Variants in ATP9B observed in about 807,000 individuals in gnomAD.
ATP9B encodes ATPase phospholipid transporting 9B.
In ATP9B, 110 loss-of-function variants were observed where a neutral mutation model predicts 146.1. The ratio of observed to expected loss-of-function variants is 0.75; its 90% CI spans 0.65 to 0.88. ATP9B has a LOEUF of 0.88. Among genes scored for constraint, ATP9B ranks in the 40% least tolerant of loss-of-function variants. The pLI, the probability that ATP9B is intolerant of heterozygous loss-of-function variation, is 0.00. For synonymous variants in ATP9B, 604 were observed against 569.7 expected (o/e 1.06, Z -0.86); for missense variants, 1,499 against 1,496.4 (o/e 1.00, Z -0.03).
intron 26 of ATP9B, among the ~76,000 whole-genome samples, chr18:79,368,041 C>G (rs754747849): frequency 3.3e-5 from 5 of 152,174 alleles, no homozygotes; most frequent in Non-Finnish European, 5.9e-5. Context: ...GTCTGTGTCT[C>G]CATGGAGTGT....
intron 26 of ATP9B, among the ~76,000 whole-genome samples, chr18:79,369,004 G>A (rs915135912): frequency 6.6e-6 from 1 of 152,052 alleles, no homozygotes; most frequent in African/African-American, 2.4e-5. Flanking sequence ...TGTTTGGAGG[G>A]TTTGTTCTTG....
At chr18:79,237,431 T>G (rs1363355688) in intron 11 of ATP9B, among the ~76,000 whole-genome samples, 2 of 152,274 alleles carry the variant, frequency 1.3e-5, no homozygotes, top group Non-Finnish European at 2.9e-5. Context: ...GCACAGTGGG[T>G]GCACATCTGG....
At chr18:79,209,767 C>A in intron 10 of ATP9B, 3 of 790,302 alleles carry the variant, frequency 3.8e-6, no homozygotes, top group Non-Finnish European at 4.6e-6. Flanking sequence ...TAAATGTAAG[C>A]TTTAATTTCA....
intron 11 of ATP9B, among the ~76,000 whole-genome samples, chr18:79,223,625 A>G (rs2095701791): frequency 6.6e-6 from 1 of 152,218 alleles, no homozygotes; most frequent in Non-Finnish European, 1.5e-5. Flanking sequence ...CAAACCCACC[A>G]TGACATAATT....
At chr18:79,094,941 A>G (rs2074667151) in intron 1 of ATP9B, among the ~76,000 whole-genome samples, 1 of 152,090 alleles carries the variant, frequency 6.6e-6, no homozygotes, top group Admixed American at 6.5e-5. Context: ...CCTTCATATC[A>G]CCCATGCCTT....
intron 9 of ATP9B, among the ~76,000 whole-genome samples, chr18:79,200,579 CAT>C (rs1407594831): frequency 1.3e-5 from 2 of 152,158 alleles, no homozygotes; most frequent in Admixed American, 6.5e-5. Flanking sequence ...AAAGGCAACT[CAT>C]AAAATATGCT....
intron 1 of ATP9B, among the ~76,000 whole-genome samples, chr18:79,071,048 TC>T (rs1256588307): frequency 2.2e-5 from 3 of 139,322 alleles, no homozygotes; most frequent in South Asian, 2.4e-4. Context: ...GATTCCTGTT[TC>T]TTTTTTTTTT....
At chr18:79,082,730 C>T (rs2073397982) in intron 1 of ATP9B, among the ~76,000 whole-genome samples, 1 of 152,176 alleles carries the variant, frequency 6.6e-6, no homozygotes, top group Non-Finnish European at 1.5e-5. Flanking sequence ...GTTTCACCAG[C>T]GGAGGTTGCA....
chr18:79,207,115 T>A, intron 10 of ATP9B, 103 bp downstream of exon 10: 5 of 1,105,710 alleles, frequency 4.5e-6, no homozygotes, highest in Non-Finnish European at 6.7e-6. Context: ...CCCTGAAATA[T>A]TTAGGGACCT....
chr18:79,169,178 T>A (rs1261612014), intron 7 of ATP9B, among the ~76,000 whole-genome samples: 1 of 152,158 alleles, frequency 6.6e-6, no homozygotes, highest in East Asian at 1.9e-4. Flanking sequence ...AATGGGACTT[T>A]CCGTATCTTC....
At chr18:79,089,442 C>A (rs954449684) in intron 1 of ATP9B, among the ~76,000 whole-genome samples, 1 of 152,106 alleles carries the variant, frequency 6.6e-6, no homozygotes, top group Admixed American at 6.5e-5. Flanking sequence ...CCACTGTGCA[C>A]GTGCCCAGCT....
chr18:79,265,321 A>G (rs932087352), intron 12 of ATP9B, among the ~76,000 whole-genome samples: 9 of 152,044 alleles, frequency 5.9e-5, no homozygotes, highest in African/African-American at 2.2e-4. Flanking sequence ...CCAGTCTGTC[A>G]TTGATGGGCA....
chr18:79,175,316 T>C (rs922909944), intron 7 of ATP9B, among the ~76,000 whole-genome samples: 3 of 152,216 alleles, frequency 2.0e-5, no homozygotes, highest in Non-Finnish European at 2.9e-5. Context: ...TTTTATTTTT[T>C]AGGAGTTTTT....
At chr18:79,114,049 C>T (rs1458409317) in intron 4 of ATP9B, among the ~76,000 whole-genome samples, 3 of 152,170 alleles carry the variant, frequency 2.0e-5, no homozygotes, top group Admixed American at 6.5e-5. Flanking sequence ...CGGCCCACTG[C>T]AACCTCCGCC....
At chr18:79,121,102 A>G (rs936074328) in intron 4 of ATP9B, among the ~76,000 whole-genome samples, 1 of 152,162 alleles carries the variant, frequency 6.6e-6, no homozygotes, top group African/African-American at 2.4e-5. Context: ...AAAAGGGGTA[A>G]CTCATTTAGG....
chr18:79,185,409 TAAAA>T (rs991439006), intron 8 of ATP9B, among the ~76,000 whole-genome samples: 2 of 152,164 alleles, frequency 1.3e-5, no homozygotes, highest in Non-Finnish European at 2.9e-5. Context: ...TGTACAGAAT[TAAAA>T]TAAATAATTC....
intron 11 of ATP9B, among the ~76,000 whole-genome samples, chr18:79,236,064 C>G (rs1166432310): frequency 1.3e-5 from 2 of 152,106 alleles, no homozygotes; most frequent in Admixed American, 6.6e-5. Context: ...TCACATAATT[C>G]CGGTCTTCTA....
rs7234616 is a variant in ATP9B at position 79,268,791 on chromosome 18, G to A, written c.1269-8263G>A. The stretch of plus-strand genomic sequence containing the variant: ...GAGTAGAGTAATTTGCCTTCTGTTA[G>A]AAATGTGTTCGCTTTTTGTGCTTTT... On this transcript the variant is annotated intron_variant, in intron 12 of 29. Transcript: ENST00000426216. 3.2e-3 allele frequency among the ~76,000 whole-genome samples: 486 copies of A among 152,328 alleles called. 2 individuals carry two copies. Among genetic ancestry groups the A allele is most frequent in the African/African-American group, 0.011 (473 of 41,568 alleles).
Position 79,298,731 on chromosome 18 carries a change from T to C in ATP9B, c.1412-4873T>C, listed in dbSNP as rs906228083. 2.7e-5 allele frequency among the ~76,000 whole-genome samples: 4 copies of C among 146,590 alleles called. 1 individual carries two copies. The highest frequency in any genetic ancestry group is 5.0e-5 in the African/African-American group (2 of 39,844). On this transcript the variant is annotated intron_variant, in intron 13 of 29. Transcript: ENST00000426216. Reference sequence around the variant, plus strand: ...TGTGTGGTATTGGGGGATTTTTCAATGGATACAGAACCTAGAAGTTGGCCT... The same window carrying C: ...TGTGTGGTATTGGGGGATTTTTCAACGGATACAGAACCTAGAAGTTGGCCT...
Sources: allele counts gnomAD v4.1 joint callset (sites outside exome capture counted in the v4.1 genomes callset), GRCh38; gene constraint gnomAD v4.1.1; transcripts MANE v1.5; gene names NCBI Gene and HGNC (gene_info 2026-07-23, HGNC 2026-07-21).